The following ADAD2 variants were observed in gnomAD, a reference collection of about 807,000 sequenced individuals.
ADAD2 encodes the protein adenosine deaminase domain-containing protein 2.
A neutral mutation model predicts 54.5 loss-of-function variants in ADAD2; 60 were observed. The observed-to-expected ratio is 1.10, with a 90% CI of 0.89 to 1.36. The LOEUF (loss-of-function observed/expected upper bound fraction) is 1.36. Ranked by LOEUF, ADAD2 falls within the 40% of genes most tolerant of loss-of-function variation. ADAD2 has a pLI of 0.00. For synonymous variants in ADAD2, 543 were observed against 366.2 expected (o/e 1.48, Z -5.51); for missense variants, 1,103 against 801.3 (o/e 1.38, Z -4.54).
At position 84,195,424 on chromosome 16, in the gene ADAD2, A is replaced by G; in HGVS notation, c.862A>G (p.Ile288Val). ...GCTCCACGACTGCCATGGCCTGGTC[A>G]TCGCCCGCAGGGCCCTGCTGAGGTG... ...QQLHDCHGLV[I>V]ARRALLRFLF... is the part of the protein sequence containing the mutation. Residue 288 changes from isoleucine (I) to valine (V), a missense_variant, in exon 5 of 10, where the codon ATC becomes GTC. By Grantham distance (29) the Ile-to-Val change is conservative. Coordinates refer to ENST00000315906, the MANE Select transcript of ADAD2 (RefSeq NM_001145400.2). The G allele has an allele frequency of 6.2e-7, 1 of 1,609,716 alleles. No homozygotes were observed. The highest frequency in any genetic ancestry group is 1.1e-5 in the South Asian group (1 of 90,976).
chr16:84,196,552 G>T, intron 8 of ADAD2, 95 bp from the exon 9 acceptor site: 1 of 1,564,172 alleles, frequency 6.4e-7, no homozygotes, highest in Non-Finnish European at 8.7e-7. Context: ...CTGTGACATT[G>T]TCACAGTGTG....
chr16:84,195,213 C>G lies in ADAD2; in HGVS notation c.733+19C>G. Reference sequence around the variant, plus strand: ...GAGAGGGGTAGGGATCGCCCCAGCCCTGGCCCTGGCCCCGGCCCCCTGGGA... The same window carrying G: ...GAGAGGGGTAGGGATCGCCCCAGCCGTGGCCCTGGCCCCGGCCCCCTGGGA... On this transcript the variant is annotated intron_variant, in intron 4 of 9. Coordinates refer to ENST00000315906, the MANE Select transcript of ADAD2 (RefSeq NM_001145400.2). 1.2e-6 allele frequency: 2 copies of G among 1,610,882 alleles called. No individual in the cohort carries two copies. The highest frequency in any genetic ancestry group is 1.7e-6 in the Non-Finnish European group (2 of 1,178,500).
rs2303243 is a variant in ADAD2 at position 84,196,894 on chromosome 16, A to G, written c.1672A>G (p.Arg558Gly). The G allele has an allele frequency of 1.3e-6, 2 of 1,592,082 alleles. No individual in the cohort carries two copies. Among genetic ancestry groups the G allele is most frequent in the African/African-American group, 1.3e-5 (1 of 74,370 alleles). Reference protein sequence around the residue: ...AKAGPYQEARRQLSLLLDQQG... With the variant: ...AKAGPYQEARGQLSLLLDQQG... ...GGCTGGGCCCTACCAGGAGGCTCGC[A>G]GGCAGCTGTCTCTCCTCCTGGACCA... Residue 558 changes from arginine (R) to glycine (G), a missense_variant, in exon 10 of 10, where the codon AGG becomes GGG. Coordinates refer to ENST00000315906, the MANE Select transcript of ADAD2 (RefSeq NM_001145400.2).
Position 84,195,611 on chromosome 16 carries a change from G to A in ADAD2, c.966G>A (p.Gly322=). 2 of 1,605,204 alleles carry A rather than the reference G, an allele frequency of 1.2e-6. No homozygotes were observed. The highest frequency in any genetic ancestry group is 1.7e-6 in the Non-Finnish European group (2 of 1,176,154). ...KEQSVLAPQP[G]PGPPFTLKPR... ...AGTCCGTGCTGGCCCCCCAGCCAGG[G>A]CCCGGACCCCCATTCACCCTCAAGC... Residue 322 remains glycine (G), a synonymous_variant, in exon 6 of 10, where the codon GGG becomes GGA. Coordinates refer to ENST00000315906, the MANE Select transcript of ADAD2 (RefSeq NM_001145400.2).
At position 84,195,261 on chromosome 16, in the gene ADAD2, C is replaced by T. The variant is rs151039889; in HGVS notation, c.734-35C>T. The T allele has an allele frequency of 5.7e-5, 92 of 1,611,920 alleles. 1 individual carries two copies. The East Asian group carries it at 1.9e-3, about 33-fold the overall frequency. Reference sequence around the variant, plus strand: ...GGAAGGGCCCCCTCAAGCTCCTTGCCTTAGGCTGGGCCGTCTCTGCCCCCT... The same window carrying T: ...GGAAGGGCCCCCTCAAGCTCCTTGCTTTAGGCTGGGCCGTCTCTGCCCCCT... On this transcript the variant is annotated intron_variant, in intron 4 of 9. Transcript: ENST00000315906.
intron 1 of ADAD2, 186 bp from the exon 2 acceptor site, chr16:84,194,256 C>G: frequency 1.3e-6 from 2 of 1,553,536 alleles, no homozygotes; most frequent in Admixed American, 2.0e-5. Context: ...TGGGTCACAG[C>G]CTGCAGAGGC....
In ADAD2 at chr16:84,191,461, A is replaced by C; in HGVS notation, c.231A>C (p.Glu77Asp). 1 of 1,531,084 alleles carries C rather than the reference A, an allele frequency of 6.5e-7. No homozygotes were observed. The highest frequency in any genetic ancestry group is 1.2e-5 in the South Asian group (1 of 83,110). The allele number at this position is 1,531,084 out of a possible 1,614,324, so 94.8% of individuals were successfully genotyped here. Residue 77 changes from glutamate to aspartate, a missense_variant, in exon 1 of 10, where the codon GAA becomes GAC. Coordinates refer to ENST00000315906, the MANE Select transcript of ADAD2 (RefSeq NM_001145400.2). The part of the protein sequence containing the change: ...SGPGAGAGVG[E>D]LGAARAWENL... ...CTGGGGCAGGGGCCGGAGTCGGGGAACTGGGGGCAGCCCGGGCGTGGGAAA... is the reference window on the plus strand; with the variant it reads ...CTGGGGCAGGGGCCGGAGTCGGGGACCTGGGGGCAGCCCGGGCGTGGGAAA...
chr16:84,195,077 C>CA lies in ADAD2; in HGVS notation c.616_617insA (p.Leu206HisfsTer4), dbSNP rs755530735. 3.7e-5 allele frequency: 59 copies of CA among 1,613,422 alleles called. No individual in the cohort carries two copies. The highest frequency in any genetic ancestry group is 4.7e-5 in the Non-Finnish European group (56 of 1,179,858). ...CTCTCGCCCTGGCGCAGAGAACATC[C>CA]TGACCCATGAGCAGCGCTGCGCAGC... On this transcript the variant is annotated frameshift_variant, in exon 4 of 10. Transcript: ENST00000315906. LOFTEE classifies it high-confidence loss of function.
In ADAD2 at chr16:84,191,268, G is replaced by A; in HGVS notation, c.38G>A (p.Ser13Asn). 1 of 1,601,294 alleles carries A rather than the reference G, an allele frequency of 6.2e-7. No individual in the cohort carries two copies. ...TCTCAGGGCGCTGACGACGACGGCA[G>A]TCGTAGGAAGCCCCGCCTGGCTGCA... is the stretch of plus-strand genomic sequence containing the variant. ...SASQGADDDG[S>N]RRKPRLAASL... is the part of the protein sequence containing the mutation. The change falls in exon 1 of 10, where the codon AGT becomes AAT. Residue 13 changes from serine (S) to asparagine (N), a missense_variant. Physicochemically the swap from Ser to Asn is conservative, Grantham distance 46. Coordinates refer to ENST00000315906, the MANE Select transcript of ADAD2 (RefSeq NM_001145400.2).
intron 1 of ADAD2, 90 bp downstream of exon 1, chr16:84,191,738 G>A: frequency 6.6e-7 from 1 of 1,521,016 alleles, no homozygotes; most frequent in Non-Finnish European, 8.8e-7. Context: ...TCTGGGGAAG[G>A]TGGACCTTGG....
Position 84,191,600 on chromosome 16 carries a change from G to C in ADAD2, c.370G>C (p.Ala124Pro). Residue 124 changes from alanine to proline, a missense_variant, in exon 1 of 10, where the codon GCG (alanine) becomes CCG (proline). By Grantham distance (27) the Ala-to-Pro change is conservative. Coordinates refer to ENST00000315906, the MANE Select transcript of ADAD2 (RefSeq NM_001145400.2). Reference sequence around the variant, plus strand: ...GGCCGTGTCCTTGCTCACGGAGTACGCGGCCAGCCTGGGCATCTTCCTGCT... The same window carrying C: ...GGCCGTGTCCTTGCTCACGGAGTACCCGGCCAGCCTGGGCATCTTCCTGCT... ...SQAVSLLTEY[A>P]ASLGIFLLFR... 2.6e-6 allele frequency: 4 copies of C among 1,552,012 alleles called. No individual in the cohort carries two copies. The highest frequency in any genetic ancestry group is 3.5e-6 in the Non-Finnish European group (4 of 1,148,072).
chr16:84,194,570 C>T lies in ADAD2; in HGVS notation c.547C>T (p.Leu183=), dbSNP rs763776438. 3.1e-6 allele frequency: 5 copies of T among 1,605,040 alleles called. No individual in the cohort carries two copies. Among genetic ancestry groups the T allele is most frequent in the Non-Finnish European group, 4.3e-6 (5 of 1,175,920 alleles). Residue 183 remains leucine (L), a synonymous_variant, in exon 2 of 10, where the codon CTG becomes TTG. Transcript: ENST00000315906. ...TGCCCTCTGCTACATCCGGAGTCAG[C>T]TGGAGAACCCAGGTAATGGAGGGAG... is the stretch of plus-strand genomic sequence containing the variant. ...LSALCYIRSQ[L]ENPESPQTSS... is the part of the protein sequence containing the mutation.
chr16:84,195,824 C>G lies in ADAD2; in HGVS notation c.1062C>G (p.Pro354=), dbSNP rs148466418. 15 of 1,604,548 alleles carry G rather than the reference C, an allele frequency of 9.3e-6. 1 individual carries two copies. The highest frequency in any genetic ancestry group is 6.6e-5 in the South Asian group (6 of 90,726). Residue 354 remains proline, a synonymous_variant, in exon 7 of 10, where the codon CCC becomes CCG. Transcript: ENST00000315906. The part of the protein sequence containing the change: ...KGAARDIYLP[P]TSEGGLPHSP... ...CCCACCCGGCCCGCAGCCTGCCCCC[C>G]ACCTCGGAAGGTGGCCTCCCGCACA...
At chr16:84,195,493 A>T in intron 5 of ADAD2, 37 bp from the exon 6 acceptor site, 1 of 1,604,786 alleles carries the variant, frequency 6.2e-7, no homozygotes, top group East Asian at 2.2e-5. Flanking sequence ...TCGCCAGGAC[A>T]AGGTCTTCCC....
At chr16:84,195,242 G>A (rs1334055569) in intron 4 of ADAD2, 48 bp downstream of exon 4, 2 of 1,610,386 alleles carry the variant, frequency 1.2e-6, no homozygotes, top group East Asian at 2.2e-5. Flanking sequence ...CCTGGGAAGG[G>A]CCCCCTCAAG....
At chr16:84,193,922 A>T in intron 1 of ADAD2, 1 of 1,345,550 alleles carries the variant, frequency 7.4e-7, no homozygotes, top group Non-Finnish European at 1.0e-6. Flanking sequence ...TTAACCCTGC[A>T]CCTTTGACCA....
At chr16:84,191,743 C>G (rs899444918) in intron 1 of ADAD2, 95 bp downstream of exon 1, 5 of 1,514,678 alleles carry the variant, frequency 3.3e-6, no homozygotes, top group Non-Finnish European at 4.4e-6. Context: ...GGAAGGTGGA[C>G]CTTGGTCCCT....
intron 6 of ADAD2, 56 bp from the exon 7 acceptor site, chr16:84,195,759 G>GGCCA: frequency 6.5e-7 from 1 of 1,541,136 alleles, no homozygotes; most frequent in South Asian, 1.2e-5. Flanking sequence ...GCTGGGTGGG[G>GGCCA]GCCAGGGTCA....
At chr16:84,193,182 T>C (rs2089679019) in intron 1 of ADAD2, 1 of 150,268 alleles carries the variant, frequency 6.7e-6, no homozygotes, top group African/African-American at 2.5e-5. Context: ...AATACAATTA[T>C]CAAATCCTGG....
Sources: allele counts gnomAD v4.1 joint callset, GRCh38; gene constraint gnomAD v4.1.1; transcripts MANE v1.5; gene names NCBI Gene and HGNC (gene_info 2026-07-23, HGNC 2026-07-21).